Variants in EIF2S3 observed in about 807,000 individuals in gnomAD.
EIF2S3 encodes eukaryotic translation initiation factor 2 subunit 3.
Under a neutral mutation model 31.7 loss-of-function variants are expected in EIF2S3, and 2 were observed. That is an observed-to-expected ratio of 0.06 (90% CI 0.03 to 0.20). EIF2S3 has a LOEUF of 0.20. Among genes scored for constraint, EIF2S3 ranks in the 10% least tolerant of loss-of-function variants. EIF2S3 has a pLI of 1.00. For synonymous variants in EIF2S3, 120 were observed against 126.7 expected (o/e 0.95, Z 0.36); for missense variants, 96 against 359.3 (o/e 0.27, Z 5.92).
At chrX:24,061,371 C>T (rs1930490544) in intron 5 of EIF2S3, among the ~76,000 whole-genome samples, 1 of 109,009 alleles carries the variant, frequency 9.2e-6, no homozygotes, top group South Asian at 4.0e-4. Flanking sequence ...CCAGTCTGGC[C>T]AACATGGTGA....
At chrX:24,074,707 T>G (rs1212514788) in intron 11 of EIF2S3, among the ~76,000 whole-genome samples, 1 of 110,288 alleles carries the variant, frequency 9.1e-6, no homozygotes, top group African/African-American at 3.3e-5. Flanking sequence ...CTAGTTATAA[T>G]ATGGACTCAT....
intron 9 of EIF2S3, among the ~76,000 whole-genome samples, chrX:24,071,347 C>T (rs755618786): frequency 5.5e-5 from 6 of 109,309 alleles, no homozygotes; most frequent in Admixed American, 2.0e-4. Context: ...CACGCCGCCA[C>T]GCCTGGCTAA....
At chrX:24,074,939 A>G (rs1324338841) in intron 11 of EIF2S3, among the ~76,000 whole-genome samples, 1 of 88,843 alleles carries the variant, frequency 1.1e-5, no homozygotes, top group East Asian at 3.4e-4. Context: ...ATCTCAGCTC[A>G]CTGCAACCTC....
rs889458446 is a variant in EIF2S3, at chrX:24,073,033, C to G, written c.1183-58C>G. ...ATAGTATTTGGTAAATTCTTACTTACATTTGGAAAGCATTTTCTTGATTTT... is the reference window on the plus strand; with the variant it reads ...ATAGTATTTGGTAAATTCTTACTTAGATTTGGAAAGCATTTTCTTGATTTT... On this transcript the variant is annotated intron_variant, in intron 10 of 11. Coordinates refer to ENST00000253039, the MANE Select transcript of EIF2S3 (RefSeq NM_001415.4). 6.3e-6 allele frequency: 7 copies of G among 1,119,520 alleles called. No individual in the cohort carries two copies. In the Admixed American group the frequency reaches 1.6e-4, roughly 26 times the overall value. The allele number at this position is 1,119,520 out of a possible 1,213,427, so 92.3% of individuals were successfully genotyped here.
chrX:24,062,031 C>A (rs1456465800), intron 5 of EIF2S3, among the ~76,000 whole-genome samples: 2 of 111,612 alleles, frequency 1.8e-5, no homozygotes, highest in African/African-American at 6.5e-5. Flanking sequence ...GCAATAATAT[C>A]TTCCTTATTA....
At chrX:24,073,302 A>G in intron 11 of EIF2S3, 39 bp downstream of exon 11, 1 of 1,201,066 alleles carries the variant, frequency 8.3e-7, no homozygotes, top group East Asian at 3.0e-5. Context: ...AATTAAAAAA[A>G]GACACAGTCT....
At position 24,073,054 on chromosome X, in the gene EIF2S3, A is replaced by T. The variant is rs747125810; in HGVS notation, c.1183-37A>T. The T allele has an allele frequency of 4.3e-6, 5 of 1,174,245 alleles. No homozygotes were observed. In the Admixed American group the frequency reaches 1.2e-4, roughly 29 times the overall value. The stretch of plus-strand genomic sequence containing the variant: ...CTTACATTTGGAAAGCATTTTCTTG[A>T]TTTTGGGGTTTATTTTTCCCTAATT... On this transcript the variant is annotated intron_variant, in intron 10 of 11. Transcript: ENST00000253039.
chrX:24,058,536 C>CTTTTTTTTTTTT (rs1183377998), intron 4 of EIF2S3, among the ~76,000 whole-genome samples: 10 of 83,073 alleles, frequency 1.2e-4, no homozygotes, highest in Non-Finnish European at 2.2e-4. Context: ...TTTTTTCTTT[C>CTTTTTTTTTTTT]TTTTTTTTTT....
intron 11 of EIF2S3, among the ~76,000 whole-genome samples, chrX:24,074,859 C>CTTT (rs1316212428): frequency 7.6e-5 from 2 of 26,176 alleles, no homozygotes; most frequent in East Asian, 1.1e-3. Context: ...TTTTTTTCTT[C>CTTT]TTCTTTTTTT....
At chrX:24,071,285 G>T (rs376687259) in intron 9 of EIF2S3, among the ~76,000 whole-genome samples, 1 of 108,518 alleles carries the variant, frequency 9.2e-6, no homozygotes, top group East Asian at 2.9e-4. Context: ...CTGCCTCCTG[G>T]GTTCAAGTGA....
At chrX:24,071,354 CTAATTTTTTGTATTT>C (rs1263763764) in intron 9 of EIF2S3, among the ~76,000 whole-genome samples, 189 bp from the exon 10 acceptor site, 2 of 109,654 alleles carry the variant, frequency 1.8e-5, no homozygotes, top group Admixed American at 2.0e-4. Context: ...CCACGCCTGG[CTAATTTTTTGTATTT>C]TAATAGAGAC....
chrX:24,055,363 C>G, intron 1 of EIF2S3, among the ~76,000 whole-genome samples: 1 of 111,422 alleles, frequency 9.0e-6, no homozygotes, highest in Non-Finnish European at 1.9e-5. Flanking sequence ...CTAATGTTCC[C>G]AAGATTGGGG....
At chrX:24,065,057 G>A (rs1170585222) in intron 7 of EIF2S3, among the ~76,000 whole-genome samples, 2 of 111,614 alleles carry the variant, frequency 1.8e-5, no homozygotes, top group Admixed American at 9.6e-5. Flanking sequence ...TAGCCTTCTC[G>A]AAACAGACAT....
intron 5 of EIF2S3, among the ~76,000 whole-genome samples, chrX:24,060,872 C>CG (rs1930479773): frequency 1.1e-5 from 1 of 89,174 alleles, no homozygotes; most frequent in Non-Finnish European, 2.1e-5. Context: ...CTCTTGAACC[C>CG]GGGAGGCAGA....
intron 2 of EIF2S3, among the ~76,000 whole-genome samples, chrX:24,057,156 C>T (rs1274713678): frequency 8.9e-6 from 1 of 112,172 alleles, no homozygotes; most frequent in East Asian, 2.8e-4. Context: ...TCAGCCTCCC[C>T]AGTAGCTGGG....
At chrX:24,058,249 G>A (rs1246882753) in intron 4 of EIF2S3, among the ~76,000 whole-genome samples, 1 of 112,076 alleles carries the variant, frequency 8.9e-6, no homozygotes, top group Non-Finnish European at 1.9e-5. Flanking sequence ...TGGGACCAGG[G>A]AGGGACAAGT....
At chrX:24,062,296 G>A in intron 5 of EIF2S3, 120 bp from the exon 6 acceptor site, 1 of 762,897 alleles carries the variant, frequency 1.3e-6, no homozygotes. Context: ...CAGTCCACAT[G>A]TTTTCCTCCC....
intron 11 of EIF2S3, among the ~76,000 whole-genome samples, chrX:24,074,453 T>C (rs748914916): frequency 8.9e-6 from 1 of 111,912 alleles, no homozygotes; most frequent in South Asian, 3.7e-4. Flanking sequence ...GTGTAGTTAC[T>C]CTCTACCCTT....
In EIF2S3 at chrX:24,077,850, C is replaced by G. The variant is rs1396526484; in HGVS notation, c.*1065C>G. 1 of 111,357 alleles carries G rather than the reference C, an allele frequency of 9.0e-6. No homozygotes were observed. The highest frequency in any genetic ancestry group is 1.9e-5 in the Non-Finnish European group (1 of 53,049). 9.2% of individuals were successfully genotyped at this position (111,357 alleles called of 1,213,427 possible). ...ATAATTCTAGATGAGTAACAAAGAT[C>G]TTTTTAGGCCTTCATTTTATGTTTT... On this transcript the variant is annotated 3_prime_UTR_variant, in exon 12 of 12. Transcript: ENST00000253039.
Sources: allele counts gnomAD v4.1 joint callset (sites outside exome capture counted in the v4.1 genomes callset), GRCh38; gene constraint gnomAD v4.1.1; transcripts MANE v1.5; gene names NCBI Gene and HGNC (gene_info 2026-07-23, HGNC 2026-07-21).